Variants in CNTN5 observed in about 807,000 individuals in gnomAD.
CNTN5 encodes contactin-5.
In CNTN5, 77 loss-of-function variants were observed where a neutral mutation model predicts 129.1. The ratio of observed to expected loss-of-function variants is 0.60; its 90% CI spans 0.50 to 0.72. CNTN5 has a LOEUF of 0.72. Among genes scored for constraint, CNTN5 ranks in the 30% least tolerant of loss-of-function variants. The pLI is 0.00. For synonymous variants in CNTN5, 509 were observed against 465.6 expected, an observed-to-expected ratio of 1.09 and a Z score of -1.20; for missense variants, 1,478 against 1,328.8, an observed-to-expected ratio of 1.11 and a Z score of -1.75.
chr11:100,106,112 C>A (rs61908115), intron 13 of CNTN5, among the ~76,000 whole-genome samples: 37,021 of 151,988 alleles, frequency 0.24, 5,157 homozygotes, highest in East Asian at 0.51. Flanking sequence ...CCACAAAGGG[C>A]GATTCAGGGA....
At chr11:99,956,693 A>C in intron 7 of CNTN5, 113 bp from the exon 8 acceptor site, 3 of 681,016 alleles carry the variant, frequency 4.4e-6, no homozygotes, top group Non-Finnish European at 7.6e-6. Flanking sequence ...CATGGATCAA[A>C]TATGTATGAC....
intron 4 of CNTN5, among the ~76,000 whole-genome samples, chr11:99,840,316 T>TA (rs1947444190): frequency 1.3e-5 from 2 of 152,008 alleles, no homozygotes; most frequent in East Asian, 1.9e-4. Context: ...TTGTTTTTGG[T>TA]AAAAAATAAG....
intron 18 of CNTN5, among the ~76,000 whole-genome samples, chr11:100,295,184 G>A (rs1951076620): frequency 1.3e-5 from 2 of 151,534 alleles, no homozygotes; most frequent in South Asian, 4.1e-4. Context: ...GTAAGAGAAG[G>A]ATGATCTTAT....
chr11:99,252,473 C>G (rs1191925370), intron 1 of CNTN5, among the ~76,000 whole-genome samples: 1 of 150,018 alleles, frequency 6.7e-6, no homozygotes, highest in African/African-American at 2.4e-5. Flanking sequence ...AACTAAATTC[C>G]AAACCCAAAT....
At chr11:99,468,234 G>C (rs1379262559) in intron 2 of CNTN5, among the ~76,000 whole-genome samples, 1 of 152,106 alleles carries the variant, frequency 6.6e-6, no homozygotes, top group Non-Finnish European at 1.5e-5. Context: ...TCTAGTGTCT[G>C]ATAAGTATAC....
intron 2 of CNTN5, among the ~76,000 whole-genome samples, chr11:99,544,605 A>G (rs895098057): frequency 1.3e-5 from 2 of 152,204 alleles, no homozygotes; most frequent in African/African-American, 4.8e-5. Flanking sequence ...TAACTAACAG[A>G]AACAATGTGG....
In CNTN5 at chr11:99,310,938, A is replaced by T. The variant is rs538272650; in HGVS notation, c.-209-14408A>T. Among the ~76,000 whole-genome samples the T allele has an allele frequency of 3.8e-3, 575 of 149,360 alleles. 4 individuals carry two copies. The highest frequency in any genetic ancestry group is 4.0e-3 in the Non-Finnish European group (269 of 67,184). On this transcript the variant is annotated intron_variant, in intron 1 of 24. Transcript: ENST00000524871. The stretch of plus-strand genomic sequence containing the variant: ...TAATGAATTAGGTTGATTATTTATT[A>T]TTTTTTTTTTTGAGACGGAGTCTCG...
At chr11:99,797,365 G>A (rs1446962033) in intron 3 of CNTN5, among the ~76,000 whole-genome samples, 1 of 152,108 alleles carries the variant, frequency 6.6e-6, no homozygotes, top group African/African-American at 2.4e-5. Context: ...TTACATACCT[G>A]CCAATAGTGT....
intron 6 of CNTN5, among the ~76,000 whole-genome samples, chr11:99,889,321 TGTGTGTGTGTG>T (rs778951853): frequency 3.1e-4 from 45 of 144,886 alleles, no homozygotes; most frequent in African/African-American, 1.0e-3. Flanking sequence ...TGTGTGTGTG[TGTGTGTGTGTG>T]TGTGTGTGTG....
At position 99,045,479 on chromosome 11, in the gene CNTN5, C is replaced by A. The variant is rs903665428; in HGVS notation, c.-210+24209C>A. Reference sequence around the variant, plus strand: ...GGTCCCATAAAATACATTACCTGAGCAAATTAATATAGTTGTATCTGTATG... The same window carrying A: ...GGTCCCATAAAATACATTACCTGAGAAAATTAATATAGTTGTATCTGTATG... On this transcript the variant is annotated intron_variant, in intron 1 of 24. Coordinates refer to ENST00000524871, the MANE Select transcript of CNTN5 (RefSeq NM_014361.4). Among the ~76,000 whole-genome samples, 6 of 152,110 alleles carry A rather than the reference C, an allele frequency of 3.9e-5. No individual in the cohort carries two copies. The East Asian group carries it at 1.2e-3, about 29-fold the overall frequency.
At chr11:99,836,457 A>G (rs2135644425) in intron 4 of CNTN5, among the ~76,000 whole-genome samples, 1 of 152,114 alleles carries the variant, frequency 6.6e-6, no homozygotes, top group Non-Finnish European at 1.5e-5. Context: ...CCATGTCCCT[A>G]CAAAGGACAT....
At chr11:99,295,324 G>T (rs140396321) in intron 1 of CNTN5, among the ~76,000 whole-genome samples, 1 of 152,256 alleles carries the variant, frequency 6.6e-6, no homozygotes, top group East Asian at 1.9e-4. Flanking sequence ...TAAGCCACAA[G>T]TATCAATAGC....
intron 3 of CNTN5, among the ~76,000 whole-genome samples, chr11:99,768,218 G>C (rs1436600736): frequency 1.3e-5 from 2 of 151,936 alleles, no homozygotes; most frequent in African/African-American, 4.8e-5. Flanking sequence ...TGTAATTATA[G>C]ATAGGTAGAT....
intron 10 of CNTN5, 89 bp from the exon 11 acceptor site, chr11:100,070,335 A>C: frequency 4.4e-6 from 6 of 1,358,850 alleles, no homozygotes; most frequent in Non-Finnish European, 6.0e-6. Context: ...CTTTTAAAAA[A>C]ATACGTTGAA....
At chr11:99,153,595 T>G (rs894106500) in intron 1 of CNTN5, among the ~76,000 whole-genome samples, 3 of 152,192 alleles carry the variant, frequency 2.0e-5, no homozygotes, top group African/African-American at 7.2e-5. Context: ...TCCTGAATCT[T>G]GATAATCTTC....
intron 2 of CNTN5, among the ~76,000 whole-genome samples, chr11:99,460,293 A>G (rs1166514013): frequency 2.0e-5 from 3 of 151,552 alleles, no homozygotes; most frequent in Non-Finnish European, 4.4e-5. Context: ...TTTAAGAAAT[A>G]TTAATTATTT....
chr11:99,613,312 C>T (rs1484539636), intron 3 of CNTN5, among the ~76,000 whole-genome samples: 2 of 152,152 alleles, frequency 1.3e-5, no homozygotes, highest in Admixed American at 6.5e-5. Context: ...TTATAAGGGG[C>T]TCTTCCCGGC....
At chr11:99,229,096 G>A (rs545585673) in intron 1 of CNTN5, among the ~76,000 whole-genome samples, 4 of 151,622 alleles carry the variant, frequency 2.6e-5, no homozygotes, top group African/African-American at 4.8e-5. Context: ...TTAATTTGTC[G>A]TTCTTCCACG....
intron 2 of CNTN5, among the ~76,000 whole-genome samples, chr11:99,551,846 G>A (rs1948494607): frequency 6.6e-6 from 1 of 151,604 alleles, no homozygotes; most frequent in Non-Finnish European, 1.5e-5. Flanking sequence ...GTTCAACGTT[G>A]ACTGAAATGT....
Sources: allele counts gnomAD v4.1 joint callset (sites outside exome capture counted in the v4.1 genomes callset), GRCh38; gene constraint gnomAD v4.1.1; transcripts MANE v1.5; gene names NCBI Gene and HGNC (gene_info 2026-07-23, HGNC 2026-07-21).